Variants in CDH12 observed in about 807,000 individuals in gnomAD.
CDH12 encodes the protein cadherin-12.
Under a neutral mutation model 74.1 loss-of-function variants are expected in CDH12, and 41 were observed. That is an observed-to-expected ratio of 0.55 (90% CI 0.43 to 0.72). The LOEUF (loss-of-function observed/expected upper bound fraction) is 0.72. Among genes scored for constraint, CDH12 ranks in the 30% least tolerant of loss-of-function variants. The probability of loss-of-function intolerance (pLI) is 0.00; values close to 1 mark genes in which losing one functional copy is unlikely to be tolerated. For synonymous variants in CDH12, 399 were observed against 355.0 expected (o/e 1.12, Z -1.39); for missense variants, 945 against 977.2 (o/e 0.97, Z 0.44).
At chr5:22,620,046 T>G (rs2126838571) in intron 1 of CDH12, among the ~76,000 whole-genome samples, 1 of 152,222 alleles carries the variant, frequency 6.6e-6, no homozygotes, top group East Asian at 1.9e-4. Flanking sequence ...ATTTTAAAAC[T>G]TTGTCAATAT....
chr5:22,785,918 G>C (rs1290245315), intron 1 of CDH12, among the ~76,000 whole-genome samples: 1 of 152,124 alleles, frequency 6.6e-6, no homozygotes, highest in South Asian at 2.1e-4. Context: ...ATTCTTCAAA[G>C]ATCTAAAGAC....
chr5:21,876,232 T>C (rs528117798), intron 6 of CDH12, among the ~76,000 whole-genome samples: 26 of 152,286 alleles, frequency 1.7e-4, no homozygotes, highest in South Asian at 8.3e-4. Flanking sequence ...AATCTCTTTC[T>C]TCATGTTGTC....
intron 4 of CDH12, among the ~76,000 whole-genome samples, chr5:22,116,620 A>C (rs1429528816): frequency 6.6e-6 from 1 of 151,876 alleles, no homozygotes; most frequent in Non-Finnish European, 1.5e-5. Flanking sequence ...AAAAAAAAAA[A>C]ACAATCCAAG....
intron 9 of CDH12, among the ~76,000 whole-genome samples, chr5:21,807,814 C>T (rs924065334): frequency 6.6e-5 from 10 of 152,100 alleles, no homozygotes; most frequent in African/African-American, 1.2e-4. Flanking sequence ...TGACATCTCA[C>T]TCACATAAAC....
At chr5:22,592,614 C>T (rs1313337256) in intron 1 of CDH12, among the ~76,000 whole-genome samples, 5 of 151,756 alleles carry the variant, frequency 3.3e-5, no homozygotes, top group South Asian at 4.2e-4. Context: ...CCTTTAGTAT[C>T]GCCAGGTTTA....
At chr5:22,021,703 T>C (rs1459910449) in intron 5 of CDH12, among the ~76,000 whole-genome samples, 1 of 152,240 alleles carries the variant, frequency 6.6e-6, no homozygotes, top group African/African-American at 2.4e-5. Flanking sequence ...TCAATTGGAA[T>C]AGGGTGAGTT....
intron 1 of CDH12, among the ~76,000 whole-genome samples, chr5:22,851,658 G>A (rs1737562313): frequency 1.3e-5 from 2 of 152,106 alleles, no homozygotes; most frequent in South Asian, 4.1e-4. Flanking sequence ...TGTTTTGCAT[G>A]TGGCTATCCA....
intron 3 of CDH12, among the ~76,000 whole-genome samples, chr5:22,218,535 C>T (rs1304197147): frequency 6.6e-6 from 1 of 151,722 alleles, no homozygotes; most frequent in East Asian, 1.9e-4. Flanking sequence ...GGAAATTTAT[C>T]TGTAATGACA....
At chr5:22,280,753 T>A (rs1384769896) in intron 3 of CDH12, among the ~76,000 whole-genome samples, 1 of 151,996 alleles carries the variant, frequency 6.6e-6, no homozygotes, top group Non-Finnish European at 1.5e-5. Flanking sequence ...TCAAAAAAAG[T>A]CCAGGACCAG....
In CDH12 at chr5:21,903,599, T is replaced by C. The variant is rs374319021; in HGVS notation, c.527-48809A>G. ...TCTGAAAACAGAATTAAGAGAAATTTACTTTCTAAAAGTTAAACCTGTACC... is the reference window on the plus strand; with the variant it reads ...TCTGAAAACAGAATTAAGAGAAATTCACTTTCTAAAAGTTAAACCTGTACC... On this transcript the variant is annotated intron_variant, in intron 6 of 14. Transcript: ENST00000382254. 3.2e-4 allele frequency among the ~76,000 whole-genome samples: 49 copies of C among 152,250 alleles called. No homozygotes were observed. In the East Asian group the frequency reaches 8.5e-3, roughly 26 times the overall value.
intron 5 of CDH12, among the ~76,000 whole-genome samples, chr5:22,028,301 G>C (rs1738529520): frequency 6.6e-6 from 1 of 152,076 alleles, no homozygotes; most frequent in Non-Finnish European, 1.5e-5. Context: ...TATTCAATTA[G>C]GAAAAGAAGA....
At chr5:21,853,706 C>T (rs1456025332) in intron 7 of CDH12, among the ~76,000 whole-genome samples, 3 of 151,616 alleles carry the variant, frequency 2.0e-5, no homozygotes, top group Admixed American at 6.6e-5. Flanking sequence ...AAATGTTTAA[C>T]TTATTTGAAT....
intron 1 of CDH12, among the ~76,000 whole-genome samples, chr5:22,553,338 C>CT (rs1251231813): frequency 2.0e-5 from 3 of 151,922 alleles, no homozygotes; most frequent in Admixed American, 2.0e-4. Flanking sequence ...AATTTTCTTT[C>CT]TTTTTTGGTG....
intron 7 of CDH12, among the ~76,000 whole-genome samples, chr5:21,845,132 G>A (rs1049377241): frequency 7.2e-5 from 11 of 152,088 alleles, no homozygotes; most frequent in African/African-American, 2.7e-4. Context: ...CTAAGGTATA[G>A]GTGACAGAAG....
At chr5:22,721,154 C>A (rs1017066772) in intron 1 of CDH12, among the ~76,000 whole-genome samples, 1 of 152,218 alleles carries the variant, frequency 6.6e-6, no homozygotes, top group Admixed American at 6.5e-5. Context: ...ATGAGCCCGG[C>A]CCAGGGCCCC....
At chr5:22,827,874 T>G (rs1283994697) in intron 1 of CDH12, among the ~76,000 whole-genome samples, 3 of 151,992 alleles carry the variant, frequency 2.0e-5, no homozygotes, top group Non-Finnish European at 4.4e-5. Flanking sequence ...TTAATAATAC[T>G]AATTTTATTC....
At chr5:22,019,761 T>A (rs1290349259) in intron 5 of CDH12, among the ~76,000 whole-genome samples, 2 of 152,164 alleles carry the variant, frequency 1.3e-5, no homozygotes, top group South Asian at 4.1e-4. Flanking sequence ...AAGGCAGACA[T>A]CTTACATAAT....
chr5:21,813,202 G>T (rs13178998), intron 9 of CDH12, among the ~76,000 whole-genome samples: 9,723 of 152,194 alleles, frequency 0.064, 375 homozygotes, highest in East Asian at 0.16. Flanking sequence ...GGCGAGGCCA[G>T]GTGTGGTGGC....
intron 5 of CDH12, among the ~76,000 whole-genome samples, chr5:22,023,584 T>C (rs1738145494): frequency 6.6e-6 from 1 of 151,748 alleles, no homozygotes; most frequent in Non-Finnish European, 1.5e-5. Context: ...TCTCTCTATA[T>C]ATATATATAC....
Sources: gnomAD v4.1 joint callset for allele counts (sites outside exome capture counted in the v4.1 genomes callset) on GRCh38, gnomAD v4.1.1 for gene constraint, MANE v1.5 for transcripts, NCBI Gene and HGNC (gene_info 2026-07-23, HGNC 2026-07-21) for gene names.